CHST8: variants seen among roughly 807,000 people sequenced by gnomAD.
CHST8 encodes carbohydrate sulfotransferase 8.
In CHST8, 10 loss-of-function variants were observed where a neutral mutation model predicts 15.0. The observed-to-expected ratio is 0.67, with a 90% CI of 0.41 to 1.13. The LOEUF (loss-of-function observed/expected upper bound fraction) is 1.13. Ranked by LOEUF, CHST8 falls within the 50% of genes most tolerant of loss-of-function variation. The pLI is 0.00. For missense variants in CHST8, 634 were observed against 608.2 expected (o/e 1.04, Z -0.45); for synonymous variants, 259 against 256.6 (o/e 1.01, Z -0.09).
rs1244406803 is a variant in CHST8 at position 33,772,443 on chromosome 19, A to T, written c.655A>T (p.Thr219Ser). The change falls in exon 5 of 5, where the codon ACT becomes TCT. Residue 219 changes from threonine (T) to serine (S), a missense_variant. Thr to Ser is a moderately conservative substitution (Grantham distance 58, BLOSUM62 1). Transcript: ENST00000650847. ...LMVLAGLASS[T>S]ADIQHNTVHY... is the part of the protein sequence containing the mutation. ...GGTGCTGGCCGGCCTGGCCTCGTCCACTGCCGACATCCAGCACAACACCGT... is the reference window on the plus strand; with the variant it reads ...GGTGCTGGCCGGCCTGGCCTCGTCCTCTGCCGACATCCAGCACAACACCGT... 6.2e-7 allele frequency: 1 copy of T among 1,611,960 alleles called. No homozygotes were observed.
At chr19:33,739,861 A>C (rs1974154019) in intron 3 of CHST8, among the ~76,000 whole-genome samples, 1 of 152,144 alleles carries the variant, frequency 6.6e-6, no homozygotes, top group Non-Finnish European at 1.5e-5. Context: ...GTCTGCTGAA[A>C]AGGAAGGGTG....
chr19:33,630,549 G>A (rs115002710), intron 1 of CHST8, among the ~76,000 whole-genome samples: 4,644 of 150,998 alleles, frequency 0.031, 222 homozygotes, highest in African/African-American at 0.11. Context: ...GGGCCAGTGC[G>A]TGGGGAAGGC....
intron 3 of CHST8, among the ~76,000 whole-genome samples, chr19:33,752,460 T>C (rs914129611): frequency 1.3e-5 from 2 of 152,250 alleles, no homozygotes; most frequent in East Asian, 3.8e-4. Flanking sequence ...TATTAACTGA[T>C]TAATATTAAT....
intron 3 of CHST8, among the ~76,000 whole-genome samples, chr19:33,717,662 T>A (rs1358031341): frequency 2.6e-5 from 4 of 152,126 alleles, no homozygotes; most frequent in African/African-American, 9.7e-5. Context: ...GTCTCGGAAC[T>A]GTCACAGCAC....
intron 3 of CHST8, among the ~76,000 whole-genome samples, chr19:33,766,363 G>T (rs974266406): frequency 2.6e-5 from 4 of 152,114 alleles, no homozygotes; most frequent in Admixed American, 6.5e-5. Context: ...AGTGGAGCCT[G>T]GCATTTCCCT....
chr19:33,771,304 C>A, intron 3 of CHST8, 109 bp from the exon 4 acceptor site: 2 of 1,096,554 alleles, frequency 1.8e-6, no homozygotes, highest in Non-Finnish European at 2.8e-6. Context: ...TAGAGCCTAC[C>A]CCAAGATCCC....
intron 3 of CHST8, among the ~76,000 whole-genome samples, chr19:33,757,520 A>AAG (rs1491464750): frequency 4.8e-5 from 1 of 20,678 alleles, no homozygotes; most frequent in Non-Finnish European, 8.8e-5. Context: ...GAAAGAAAGA[A>AAG]AGAGAAAGAA....
At chr19:33,673,911 A>G (rs10416841) in intron 2 of CHST8, among the ~76,000 whole-genome samples, 144,511 of 152,246 alleles carry the variant, frequency 0.95, 68,673 homozygotes, top group East Asian at 1. Context: ...GCGCCATCAC[A>G]TCTGGCTAAT....
At position 33,772,157 on chromosome 19, in the gene CHST8, G is replaced by T. The variant is rs775424791; in HGVS notation, c.369G>T (p.Ala123=). The change falls in exon 5 of 5, where the codon GCG becomes GCT. Residue 123 remains alanine (A), a synonymous_variant. Coordinates refer to ENST00000650847, the MANE Select transcript of CHST8 (RefSeq NM_001127895.2). ...RLLIKKMPAA[A]TIPANSSDAP... ...TCATCAAGAAAATGCCAGCTGCGGC[G>T]ACCATCCCGGCCAACAGCTCGGACG... 1.9e-6 allele frequency: 3 copies of T among 1,602,772 alleles called. No individual in the cohort carries two copies. The highest frequency in any genetic ancestry group is 2.2e-5 in the East Asian group (1 of 44,452).
chr19:33,684,191 C>T (rs1253884681), intron 2 of CHST8, among the ~76,000 whole-genome samples: 1 of 152,190 alleles, frequency 6.6e-6, no homozygotes, highest in Non-Finnish European at 1.5e-5. Flanking sequence ...AGCTTTAGGA[C>T]CTTGTGAGCC....
intron 3 of CHST8, among the ~76,000 whole-genome samples, chr19:33,694,103 T>TAA (rs1973152932): frequency 1.4e-5 from 1 of 70,598 alleles, no homozygotes; most frequent in Non-Finnish European, 2.9e-5. Context: ...CATATATATA[T>TAA]ATATATATAT....
At chr19:33,685,674 T>A (rs1315430574) in intron 2 of CHST8, among the ~76,000 whole-genome samples, 1 of 152,150 alleles carries the variant, frequency 6.6e-6, no homozygotes, top group African/African-American at 2.4e-5. Context: ...TGTTTATGCC[T>A]CATCCCCCAG....
At chr19:33,716,802 G>T (rs1322560290) in intron 3 of CHST8, among the ~76,000 whole-genome samples, 1 of 152,142 alleles carries the variant, frequency 6.6e-6, no homozygotes, top group Non-Finnish European at 1.5e-5. Context: ...GGACTAAGTG[G>T]CTTAAACAAC....
chr19:33,641,651 AG>A (rs1401060411), intron 1 of CHST8, among the ~76,000 whole-genome samples: 1 of 148,110 alleles, frequency 6.8e-6, no homozygotes, highest in East Asian at 2.0e-4. Context: ...CCCAGAAATG[AG>A]GGGGTTCTGG....
rs374465281 is a variant in CHST8, at chr19:33,633,897, C to G, written c.-164+11601C>G. ...CACGGCAGCCTTGACCTCCCACGTT[C>G]AGGTGGTCCTCCTGCTTCAGCCTCC... On this transcript the variant is annotated intron_variant, in intron 1 of 4. Transcript: ENST00000650847. Among the ~76,000 whole-genome samples the G allele has an allele frequency of 1.2e-4, 18 of 151,908 alleles. No individual in the cohort carries two copies. In the East Asian group the frequency reaches 2.9e-3, roughly 25 times the overall value.
chr19:33,708,780 C>G (rs1449754171), intron 3 of CHST8, among the ~76,000 whole-genome samples: 1 of 152,158 alleles, frequency 6.6e-6, no homozygotes, highest in Non-Finnish European at 1.5e-5. Context: ...CCTGCTGTGA[C>G]TTGATAGGAA....
intron 3 of CHST8, among the ~76,000 whole-genome samples, chr19:33,767,633 A>G (rs1274193508): frequency 6.6e-6 from 1 of 152,244 alleles, no homozygotes; most frequent in Non-Finnish European, 1.5e-5. Context: ...GTCCAGAAAG[A>G]GAAAGTGCTT....
intron 3 of CHST8, among the ~76,000 whole-genome samples, chr19:33,771,075 C>G (rs1008742533): frequency 3.9e-5 from 6 of 152,072 alleles, no homozygotes; most frequent in African/African-American, 1.2e-4. Flanking sequence ...GAGGAGGTGG[C>G]CTGTGAGAGT....
intron 3 of CHST8, among the ~76,000 whole-genome samples, chr19:33,699,117 G>C (rs1973280446): frequency 6.6e-6 from 1 of 152,170 alleles, no homozygotes; most frequent in Non-Finnish European, 1.5e-5. Context: ...CCTGGGATGG[G>C]ACCTCCATGC....
Sources: gnomAD v4.1 joint callset for allele counts (sites outside exome capture counted in the v4.1 genomes callset) on GRCh38, gnomAD v4.1.1 for gene constraint, MANE v1.5 for transcripts, NCBI Gene and HGNC (gene_info 2026-07-23, HGNC 2026-07-21) for gene names.